Variants in MTF1 observed in about 807,000 individuals in gnomAD.
The protein encoded by MTF1 is MRE-binding transcription factor.
In MTF1, 22 loss-of-function variants were observed where a neutral mutation model predicts 70.4. The ratio of observed to expected loss-of-function variants is 0.31; its 90% CI spans 0.22 to 0.45. The LOEUF is 0.45. Ranked by LOEUF, MTF1 falls within the 20% of genes least tolerant of loss-of-function variation. MTF1 has a pLI of 1.00. For missense variants in MTF1, 649 were observed against 922.0 expected, an observed-to-expected ratio of 0.70 and a Z score of 3.83; for synonymous variants, 333 against 352.8, an observed-to-expected ratio of 0.94 and a Z score of 0.63.
At chr1:37,846,515 G>C (rs1445460207) in intron 2 of MTF1, among the ~76,000 whole-genome samples, 1 of 152,108 alleles carries the variant, frequency 6.6e-6, no homozygotes, top group African/African-American at 2.4e-5. Context: ...AGGGAGCACA[G>C]GTTAGGTGCA....
At chr1:37,843,248 G>A (rs1022342991) in intron 2 of MTF1, among the ~76,000 whole-genome samples, 1 of 151,454 alleles carries the variant, frequency 6.6e-6, no homozygotes, top group Admixed American at 6.6e-5. Context: ...CAGTCCTCCT[G>A]CCTCGGCATC....
chr1:37,859,213 C>T (rs1641557161), intron 1 of MTF1, among the ~76,000 whole-genome samples: 1 of 152,196 alleles, frequency 6.6e-6, no homozygotes, highest in Non-Finnish European at 1.5e-5. Context: ...GGGTAGCCAA[C>T]GAGGAGTGCG....
chr1:37,820,331 G>A (rs986679637), intron 9 of MTF1, among the ~76,000 whole-genome samples: 1 of 152,192 alleles, frequency 6.6e-6, no homozygotes, highest in Non-Finnish European at 1.5e-5. Flanking sequence ...GACCTGACCT[G>A]TATGGCCACC....
chr1:37,822,752 T>A (rs753286496), intron 8 of MTF1, 36 bp from the exon 9 acceptor site: 1 of 1,480,580 alleles, frequency 6.8e-7, no homozygotes, highest in Non-Finnish European at 9.3e-7. Flanking sequence ...TATATACATA[T>A]CCCAAGCCTT....
intron 4 of MTF1, 34 bp from the exon 5 acceptor site, chr1:37,835,778 T>C: frequency 6.5e-7 from 1 of 1,550,032 alleles, no homozygotes; most frequent in Non-Finnish European, 8.9e-7. Flanking sequence ...ACAGGAGTCA[T>C]TAGCTAATAG....
At chr1:37,857,819 G>A (rs1466898440) in intron 1 of MTF1, 110 bp from the exon 2 acceptor site, 2 of 609,832 alleles carry the variant, frequency 3.3e-6, no homozygotes, top group East Asian at 2.8e-5. Context: ...CAAAGCAAAT[G>A]AAAAACCATC....
At chr1:37,850,247 A>C (rs995577775) in intron 2 of MTF1, among the ~76,000 whole-genome samples, 11 of 151,834 alleles carry the variant, frequency 7.2e-5, no homozygotes, top group South Asian at 4.1e-4. Flanking sequence ...AACCAAAAAA[A>C]AAAAAAAAAA....
intron 7 of MTF1, among the ~76,000 whole-genome samples, chr1:37,827,336 GTTATTATTATTATTATTATTATTA>G: frequency 6.9e-6 from 1 of 144,086 alleles, no homozygotes; most frequent in South Asian, 2.2e-4. Context: ...CCTCATAGTT[GTTATTATTATTATTATTATTATTA>G]TTATTATTAT....
At chr1:37,828,320 C>T (rs9329568) in intron 7 of MTF1, 375,126 of 382,060 alleles carry the variant, frequency 0.98, 184,548 homozygotes, top group East Asian at 1. Context: ...TTCTTTTGTT[C>T]TGAGACAGAG....
intron 2 of MTF1, among the ~76,000 whole-genome samples, chr1:37,846,368 G>C (rs1206006921): frequency 6.6e-6 from 1 of 150,984 alleles, no homozygotes; most frequent in Non-Finnish European, 1.5e-5. Flanking sequence ...ATGAGCAGCT[G>C]GGTGATGGAG....
rs1157708072 is a variant in MTF1, at chr1:37,828,307, GTTTTC to G, written c.1068+3933_1068+3937del. 8 of 386,814 alleles carry G rather than the reference GTTTTC, an allele frequency of 2.1e-5. 1 individual carries two copies. The highest frequency in any genetic ancestry group is 7.4e-5 in the South Asian group (4 of 54,216). 24.0% of individuals were successfully genotyped at this position (386,814 alleles called of 1,614,324 possible). The stretch of plus-strand genomic sequence containing the variant: ...GGGTGCTGGGAATGTTATTTTGTTT[GTTTTC>G]TTTTGTTCTGAGACAGAGTTTCGCT... On this transcript the variant is annotated intron_variant, in intron 7 of 10. Transcript: ENST00000373036.
At chr1:37,833,517 C>T (rs1641119293) in intron 6 of MTF1, among the ~76,000 whole-genome samples, 2 of 152,166 alleles carry the variant, frequency 1.3e-5, no homozygotes, top group South Asian at 4.1e-4. Context: ...TCAGATGCTC[C>T]TATTCATGCA....
chr1:37,818,605 G>A (rs888030853), intron 9 of MTF1, among the ~76,000 whole-genome samples: 2 of 152,036 alleles, frequency 1.3e-5, no homozygotes, highest in Non-Finnish European at 2.9e-5. Flanking sequence ...TCGGGAGGCT[G>A]AGGCAGGAGA....
At chr1:37,851,555 T>A (rs1641418550) in intron 2 of MTF1, among the ~76,000 whole-genome samples, 1 of 152,206 alleles carries the variant, frequency 6.6e-6, no homozygotes, top group African/African-American at 2.4e-5. Context: ...GGAAATTAGA[T>A]CTGAAAAATG....
intron 2 of MTF1, among the ~76,000 whole-genome samples, chr1:37,855,887 G>A (rs920283901): frequency 1.1e-4 from 17 of 152,060 alleles, no homozygotes; most frequent in African/African-American, 3.9e-4. Flanking sequence ...GAACCCAGGA[G>A]GCAGAGGTTG....
rs572515612 is a variant in MTF1 at position 37,849,197 on chromosome 1, G to A, written c.408+8054C>T. On this transcript the variant is annotated intron_variant, in intron 2 of 10. Coordinates refer to ENST00000373036, the MANE Select transcript of MTF1 (RefSeq NM_005955.3). Reference sequence around the variant, plus strand: ...TCCCAGCACTGTGGGAGGCCAAGGCGGGTGGATCACCTGAGGTCAGGAGTT... The same window carrying A: ...TCCCAGCACTGTGGGAGGCCAAGGCAGGTGGATCACCTGAGGTCAGGAGTT... 7.2e-5 allele frequency among the ~76,000 whole-genome samples: 11 copies of A among 152,250 alleles called. No homozygotes were observed. In the East Asian group the frequency reaches 1.9e-3, roughly 27 times the overall value.
At chr1:37,826,467 G>A (rs1641002759) in intron 7 of MTF1, 2 of 395,550 alleles carry the variant, frequency 5.1e-6, no homozygotes, top group Non-Finnish European at 5.0e-6. Flanking sequence ...ATTATTTTTA[G>A]TAGAGATAAG....
intron 7 of MTF1, among the ~76,000 whole-genome samples, chr1:37,831,533 G>A (rs1380888889): frequency 1.3e-5 from 2 of 152,164 alleles, no homozygotes; most frequent in African/African-American, 4.8e-5. Context: ...ATTAGTGTTA[G>A]CAATACTATA....
chr1:37,856,661 G>T (rs769363459), intron 2 of MTF1, among the ~76,000 whole-genome samples: 1 of 151,474 alleles, frequency 6.6e-6, no homozygotes, highest in Non-Finnish European at 1.5e-5. Flanking sequence ...CACCAAGCCT[G>T]GCTAATTTTT....
Sources: gnomAD v4.1 joint callset for allele counts (sites outside exome capture counted in the v4.1 genomes callset) on GRCh38, gnomAD v4.1.1 for gene constraint, MANE v1.5 for transcripts, NCBI Gene and HGNC (gene_info 2026-07-23, HGNC 2026-07-21) for gene names.